The following GPC5 variants were observed in gnomAD, a reference collection of about 807,000 sequenced individuals.
GPC5 encodes glypican-5.
A neutral mutation model predicts 53.9 loss-of-function variants in GPC5; 47 were observed. The ratio of observed to expected loss-of-function variants is 0.87; its 90% CI spans 0.69 to 1.11. The LOEUF is 1.11. Among genes scored for constraint, GPC5 ranks in the 50% most tolerant of loss-of-function variants. The pLI is 0.00. For missense variants in GPC5, 748 were observed against 713.1 expected (o/e 1.05, Z -0.56); for synonymous variants, 286 against 263.3 (o/e 1.09, Z -0.84).
intron 7 of GPC5, among the ~76,000 whole-genome samples, chr13:92,564,917 T>C (rs1882817147): frequency 6.6e-6 from 1 of 152,038 alleles, no homozygotes; most frequent in Non-Finnish European, 1.5e-5. Flanking sequence ...AATCAGAAAA[T>C]TTTAGGAAAT....
chr13:91,449,174 G>A (rs193274258), intron 2 of GPC5, among the ~76,000 whole-genome samples: 14 of 152,144 alleles, frequency 9.2e-5, no homozygotes, highest in Non-Finnish European at 1.3e-4. Flanking sequence ...AATATATACT[G>A]CTATAGGGTT....
chr13:92,823,671 C>A (rs1168829663), intron 7 of GPC5, among the ~76,000 whole-genome samples: 1 of 152,054 alleles, frequency 6.6e-6, no homozygotes, highest in South Asian at 2.1e-4. Context: ...TGTTTACTAG[C>A]ATTGCAATTA....
At chr13:92,106,228 G>A (rs1174124058) in intron 6 of GPC5, among the ~76,000 whole-genome samples, 1 of 151,926 alleles carries the variant, frequency 6.6e-6, no homozygotes, top group East Asian at 1.9e-4. Flanking sequence ...ATTTAAATAT[G>A]TGAGGATCTC....
intron 6 of GPC5, among the ~76,000 whole-genome samples, chr13:91,962,133 A>G (rs975855742): frequency 6.6e-6 from 1 of 152,170 alleles, no homozygotes; most frequent in Non-Finnish European, 1.5e-5. Flanking sequence ...TTTCATAGCT[A>G]GAAGGTCGTT....
At chr13:92,091,403 A>G (rs947164619) in intron 6 of GPC5, among the ~76,000 whole-genome samples, 1 of 152,114 alleles carries the variant, frequency 6.6e-6, no homozygotes, top group African/African-American at 2.4e-5. Context: ...ACACACATGC[A>G]TATATTCATA....
At chr13:92,058,983 C>A (rs2041099328) in intron 6 of GPC5, among the ~76,000 whole-genome samples, 1 of 152,194 alleles carries the variant, frequency 6.6e-6, no homozygotes, top group Admixed American at 6.5e-5. Context: ...TATCTTACCT[C>A]TCTTCATTTT....
intron 7 of GPC5, among the ~76,000 whole-genome samples, chr13:92,574,492 T>C (rs73621521): frequency 0.033 from 5,032 of 152,282 alleles, 287 homozygotes; most frequent in African/African-American, 0.11. Flanking sequence ...ATTGTCATAA[T>C]TGATATGAAC....
chr13:91,476,478 A>C (rs1882936049), intron 2 of GPC5, among the ~76,000 whole-genome samples: 1 of 152,334 alleles, frequency 6.6e-6, no homozygotes, highest in East Asian at 1.9e-4. Context: ...AATCCACATA[A>C]ATAAAGTCAA....
intron 2 of GPC5, among the ~76,000 whole-genome samples, chr13:91,606,712 A>G (rs1416648337): frequency 1.3e-5 from 2 of 150,034 alleles, no homozygotes; most frequent in East Asian, 2.0e-4. Flanking sequence ...GAATTTATCC[A>G]TTTCTTCTAG....
At chr13:91,641,488 T>G (rs1158198762) in intron 2 of GPC5, among the ~76,000 whole-genome samples, 2 of 152,050 alleles carry the variant, frequency 1.3e-5, no homozygotes, top group African/African-American at 4.8e-5. Context: ...GGGAGAGCAT[T>G]AGAAAAAATA....
At chr13:91,828,341 A>G (rs567746237) in intron 5 of GPC5, among the ~76,000 whole-genome samples, 2 of 131,070 alleles carry the variant, frequency 1.5e-5, no homozygotes, top group South Asian at 6.5e-4. Context: ...CAATATAGAT[A>G]GGTAGATAGG....
intron 7 of GPC5, among the ~76,000 whole-genome samples, chr13:92,762,609 A>C (rs899626992): frequency 2.6e-5 from 4 of 152,112 alleles, no homozygotes; most frequent in Admixed American, 1.3e-4. Flanking sequence ...CTGGATGTCC[A>C]TATCTCTTCC....
Position 91,399,008 on chromosome 13 carries a change from G to T in GPC5, c.-39G>T. On this transcript the variant is annotated 5_prime_UTR_variant, in exon 1 of 8. Coordinates refer to ENST00000377067, the MANE Select transcript of GPC5 (RefSeq NM_004466.6). ...CTCAGCCAGGGCGCGCAGGGCGAGTGGGGTCCACTGGCGGGTAAAGGGGAC... is the reference window on the plus strand; with the variant it reads ...CTCAGCCAGGGCGCGCAGGGCGAGTTGGGTCCACTGGCGGGTAAAGGGGAC... 6.5e-7 allele frequency: 1 copy of T among 1,535,772 alleles called. No homozygotes were observed.
At chr13:92,586,808 G>A (rs1384062969) in intron 7 of GPC5, among the ~76,000 whole-genome samples, 1 of 152,162 alleles carries the variant, frequency 6.6e-6, no homozygotes, top group Non-Finnish European at 1.5e-5. Context: ...AGGTGAAAGA[G>A]GTCAAGCATG....
intron 7 of GPC5, among the ~76,000 whole-genome samples, chr13:92,683,484 G>C (rs1037134077): frequency 6.6e-6 from 1 of 152,106 alleles, no homozygotes; most frequent in African/African-American, 2.4e-5. Flanking sequence ...ATTTGTTCTA[G>C]GAATTAATGA....
chr13:91,519,523 G>A (rs1322499527), intron 2 of GPC5, among the ~76,000 whole-genome samples: 1 of 152,032 alleles, frequency 6.6e-6, no homozygotes, highest in Admixed American at 6.5e-5. Context: ...TCCCCACTTC[G>A]CTCTCTGTCT....
intron 7 of GPC5, among the ~76,000 whole-genome samples, chr13:92,204,778 C>T (rs2042320897): frequency 2.0e-5 from 3 of 152,244 alleles, no homozygotes; most frequent in Non-Finnish European, 4.4e-5. Context: ...ACATTACCCT[C>T]TGGCAACAAT....
intron 2 of GPC5, among the ~76,000 whole-genome samples, chr13:91,557,858 C>T (rs375247840): frequency 9.2e-5 from 14 of 152,190 alleles, no homozygotes; most frequent in African/African-American, 2.6e-4. Context: ...GAGCTTTAGC[C>T]GTTTAAAGCA....
intron 7 of GPC5, among the ~76,000 whole-genome samples, chr13:92,210,387 A>T (rs1054549935): frequency 3.9e-5 from 6 of 152,162 alleles, no homozygotes; most frequent in East Asian, 1.9e-4. Flanking sequence ...GGAAATTTTG[A>T]CAATTCTTCT....
Sources: gnomAD v4.1 joint callset for allele counts (sites outside exome capture counted in the v4.1 genomes callset) on GRCh38, gnomAD v4.1.1 for gene constraint, MANE v1.5 for transcripts, NCBI Gene and HGNC (gene_info 2026-07-23, HGNC 2026-07-21) for gene names.